The following B3GALT1 variants were observed in gnomAD, a reference collection of about 807,000 sequenced individuals.
B3GALT1 encodes the protein UDP-Gal:betaGlcNAc beta 1,3-galactosyltransferase, polypeptide 1.
Under a neutral mutation model 23.2 loss-of-function variants are expected in B3GALT1, and 10 were observed. That is an observed-to-expected ratio of 0.43 (90% CI 0.27 to 0.73). The LOEUF is 0.73. Among genes scored for constraint, B3GALT1 ranks in the 30% least tolerant of loss-of-function variants. The probability of loss-of-function intolerance (pLI) is 0.21; values close to 1 mark genes in which losing one functional copy is unlikely to be tolerated. For synonymous variants in B3GALT1, 156 were observed against 141.5 expected (o/e 1.10, Z -0.73); for missense variants, 299 against 405.4 (o/e 0.74, Z 2.25).
chr2:167,373,242 A>C (rs1273353671), intron 1 of B3GALT1, among the ~76,000 whole-genome samples: 1 of 152,142 alleles, frequency 6.6e-6, no homozygotes, highest in South Asian at 2.1e-4. Flanking sequence ...TTATAAACCT[A>C]ATTTTAAAAA....
intron 3 of B3GALT1, among the ~76,000 whole-genome samples, chr2:167,683,687 C>T (rs560526076): frequency 2.0e-4 from 30 of 152,208 alleles, no homozygotes; most frequent in African/African-American, 7.0e-4. Flanking sequence ...TGCCACTGCA[C>T]TCCAGCCTGT....
chr2:167,765,065 G>A (rs1162435297), intron 3 of B3GALT1, among the ~76,000 whole-genome samples: 1 of 152,124 alleles, frequency 6.6e-6, no homozygotes. Context: ...GGAAGGAGTA[G>A]GGACTCCGTC....
intron 3 of B3GALT1, among the ~76,000 whole-genome samples, chr2:167,736,487 G>A (rs1687494203): frequency 6.6e-6 from 1 of 152,168 alleles, no homozygotes; most frequent in African/African-American, 2.4e-5. Context: ...GGCAAGCTCA[G>A]CATATCCAGT....
rs557130936 is a variant in B3GALT1, at chr2:167,515,905, G to A, written c.-410+25628G>A. Among the ~76,000 whole-genome samples the A allele has an allele frequency of 3.9e-5, 6 of 152,050 alleles. No homozygotes were observed. The South Asian group carries it at 1.0e-3, about 26-fold the overall frequency. On this transcript the variant is annotated intron_variant, in intron 2 of 4. Transcript: ENST00000392690. ...AAACAAATGACTTGTAAAAAACAAC[G>A]TGATTAGGTCACAACACAAACCTTC...
intron 3 of B3GALT1, among the ~76,000 whole-genome samples, chr2:167,729,782 G>A (rs1343753121): frequency 6.6e-6 from 1 of 151,916 alleles, no homozygotes; most frequent in Non-Finnish European, 1.5e-5. Context: ...ATAGATTCAA[G>A]CAGAACCAAA....
chr2:167,334,512 A>G (rs1697023490), intron 1 of B3GALT1, among the ~76,000 whole-genome samples: 1 of 152,188 alleles, frequency 6.6e-6, no homozygotes, highest in Non-Finnish European at 1.5e-5. Context: ...TAAACTAAAG[A>G]TGTTTTGGGC....
chr2:167,860,405 TG>T (rs1690075651), intron 4 of B3GALT1, among the ~76,000 whole-genome samples: 1 of 152,194 alleles, frequency 6.6e-6, no homozygotes, highest in South Asian at 2.1e-4. Context: ...TTCCCTGTCT[TG>T]CCTCCCTTTT....
rs836722 is a variant in B3GALT1, at chr2:167,818,678, G to A, written c.-345G>A. ...CTTCTTGGTGTCCACTTAGGGCTAC[G>A]CAGCTTGCTCCTGGCACGGGCACCT... On this transcript the variant is annotated 5_prime_UTR_variant, in exon 4 of 5. Transcript: ENST00000392690. Among the ~76,000 whole-genome samples the A allele has an allele frequency of 0.24, 36,112 of 151,784 alleles. 4,741 individuals carry two copies. The highest frequency in any genetic ancestry group is 0.56 in the East Asian group (2,883 of 5,150).
chr2:167,795,013 A>G (rs987254686), intron 3 of B3GALT1, among the ~76,000 whole-genome samples: 1 of 152,188 alleles, frequency 6.6e-6, no homozygotes, highest in African/African-American at 2.4e-5. Context: ...ATTGCAAACA[A>G]TTGATTCTGA....
chr2:167,740,289 G>T (rs1004456728), intron 3 of B3GALT1, among the ~76,000 whole-genome samples: 4 of 151,874 alleles, frequency 2.6e-5, no homozygotes, highest in African/African-American at 9.7e-5. Context: ...CTAATTTCAT[G>T]CCAGAAAATG....
intron 1 of B3GALT1, among the ~76,000 whole-genome samples, chr2:167,460,225 G>A (rs1388952457): frequency 6.6e-6 from 1 of 152,104 alleles, no homozygotes; most frequent in Non-Finnish European, 1.5e-5. Flanking sequence ...TTTTCTGGGA[G>A]TTCAACAACA....
At chr2:167,583,021 C>T (rs991514163) in intron 2 of B3GALT1, among the ~76,000 whole-genome samples, 5 of 152,136 alleles carry the variant, frequency 3.3e-5, no homozygotes, top group Admixed American at 6.5e-5. Flanking sequence ...GGTTGAACAG[C>T]TCCCTGTTAG....
chr2:167,716,768 C>T (rs1687152540), intron 3 of B3GALT1, among the ~76,000 whole-genome samples: 1 of 152,150 alleles, frequency 6.6e-6, no homozygotes, highest in African/African-American at 2.4e-5. Context: ...TCCTGTGGGT[C>T]ACTTGAACAT....
intron 2 of B3GALT1, among the ~76,000 whole-genome samples, chr2:167,507,072 A>G (rs2105351444): frequency 6.6e-6 from 1 of 152,328 alleles, no homozygotes; most frequent in Non-Finnish European, 1.5e-5. Context: ...CGTAAAACTG[A>G]CATAAAAAAG....
chr2:167,731,412 A>C (rs1359760509), intron 3 of B3GALT1, among the ~76,000 whole-genome samples: 4 of 152,036 alleles, frequency 2.6e-5, no homozygotes, highest in Non-Finnish European at 4.4e-5. Context: ...TATTTTGTGT[A>C]CCCCCAGGAT....
At chr2:167,652,026 G>A (rs748752574) in intron 3 of B3GALT1, among the ~76,000 whole-genome samples, 1 of 152,120 alleles carries the variant, frequency 6.6e-6, no homozygotes, top group African/African-American at 2.4e-5. Context: ...ACAGAAGACT[G>A]CAGGGTCAAC....
At chr2:167,615,342 G>T (rs1685141940) in intron 2 of B3GALT1, among the ~76,000 whole-genome samples, 1 of 151,950 alleles carries the variant, frequency 6.6e-6, no homozygotes, top group African/African-American at 2.4e-5. Flanking sequence ...CGGATTCATA[G>T]AAACAAAGGG....
chr2:167,545,249 A>G (rs1337749447), intron 2 of B3GALT1, among the ~76,000 whole-genome samples: 1 of 151,590 alleles, frequency 6.6e-6, no homozygotes. Context: ...GTTAGCCAGG[A>G]TGGTCTTGAT....
intron 1 of B3GALT1, among the ~76,000 whole-genome samples, chr2:167,351,356 G>A (rs957397864): frequency 6.6e-6 from 1 of 151,326 alleles, no homozygotes; most frequent in Non-Finnish European, 1.5e-5. Flanking sequence ...AGGTGTTTTT[G>A]TACAATCTTT....
Sources: gnomAD v4.1 joint callset for allele counts (sites outside exome capture counted in the v4.1 genomes callset) on GRCh38, gnomAD v4.1.1 for gene constraint, MANE v1.5 for transcripts, NCBI Gene and HGNC (gene_info 2026-07-23, HGNC 2026-07-21) for gene names.